THAP12: variants seen among roughly 807,000 people sequenced by gnomAD.
The protein encoded by THAP12 is 52 kDa repressor of the inhibitor of the protein kinase.
In THAP12, 20 loss-of-function variants were observed where a neutral mutation model predicts 63.0. The observed-to-expected ratio is 0.32, with a 90% CI of 0.22 to 0.46. The LOEUF (loss-of-function observed/expected upper bound fraction) is 0.46. Ranked by LOEUF, THAP12 falls within the 20% of genes least tolerant of loss-of-function variation. The probability of loss-of-function intolerance (pLI) is 1.00; values close to 1 mark genes in which losing one functional copy is unlikely to be tolerated. For missense variants in THAP12, 568 were observed against 908.2 expected (o/e 0.63, Z 4.81); for synonymous variants, 264 against 328.4 (o/e 0.80, Z 2.12).
At chr11:76,376,639 T>C (rs893107636) in intron 1 of THAP12, among the ~76,000 whole-genome samples, 16 of 149,010 alleles carry the variant, frequency 1.1e-4, no homozygotes, top group Non-Finnish European at 1.6e-4. Flanking sequence ...TTTTTTTTTT[T>C]CAGGTAAGAG....
intron 4 of THAP12, among the ~76,000 whole-genome samples, chr11:76,353,442 G>A (rs1946540696): frequency 6.6e-6 from 1 of 152,216 alleles, no homozygotes; most frequent in Admixed American, 6.5e-5. Flanking sequence ...CTGGCTCCAA[G>A]ATCCATGCTG....
At position 76,363,776 on chromosome 11, in the gene THAP12, T is replaced by G. The variant is rs542680392; in HGVS notation, c.210+2076A>C. Among the ~76,000 whole-genome samples the G allele has an allele frequency of 2.6e-5, 4 of 152,234 alleles. No individual in the cohort carries two copies. In the East Asian group the frequency reaches 5.8e-4, roughly 22 times the overall value. On this transcript the variant is annotated intron_variant, in intron 2 of 4. Transcript: ENST00000260045. Reference sequence around the variant, plus strand: ...GCAAAATTTTTTTTGTTTTGTTTTGTTTGGTATTTTTAGTAGAGAAGGGGT... The same window carrying G: ...GCAAAATTTTTTTTGTTTTGTTTTGGTTGGTATTTTTAGTAGAGAAGGGGT...
intron 1 of THAP12, among the ~76,000 whole-genome samples, chr11:76,373,046 T>A (rs772718065): frequency 3.9e-5 from 6 of 152,300 alleles, no homozygotes; most frequent in Middle Eastern, 3.4e-3. Context: ...AAGGACTACC[T>A]CAAAATTTAC....
At chr11:76,354,578 CT>C (rs1212994989) in intron 4 of THAP12, among the ~76,000 whole-genome samples, 1 of 152,166 alleles carries the variant, frequency 6.6e-6, no homozygotes, top group African/African-American at 2.4e-5. Context: ...AATCTATTCC[CT>C]TTACTCTCTC....
chr11:76,371,437 T>C (rs1271988319), intron 1 of THAP12, among the ~76,000 whole-genome samples: 2 of 152,214 alleles, frequency 1.3e-5, no homozygotes, highest in Non-Finnish European at 2.9e-5. Flanking sequence ...TGTGTACATA[T>C]ATGTGGGTGT....
intron 3 of THAP12, chr11:76,357,099 T>C (rs561812599): frequency 6.6e-6 from 1 of 152,132 alleles, no homozygotes; most frequent in Non-Finnish European, 1.5e-5. Flanking sequence ...AGATTTTTGT[T>C]CTTGTCATTA....
Position 76,380,819 on chromosome 11 carries a change from A to C in THAP12, c.18T>G (p.Ala6=), listed in dbSNP as rs781043427. The stretch of plus-strand genomic sequence containing the variant: ...TGCTCTTCCGCGTGCAGTTGGGGGC[A>C]GCGCAGAAGTTCGGCATCGTCGCCC... MPNFC[A]APNCTRKSTQ... The change falls in exon 1 of 5, where the codon GCT becomes GCG. Residue 6 remains alanine, a synonymous_variant. Coordinates refer to ENST00000260045, the MANE Select transcript of THAP12 (RefSeq NM_004705.4). 442 of 1,443,150 alleles carry C rather than the reference A, an allele frequency of 3.1e-4. No individual in the cohort carries two copies. The highest frequency in any genetic ancestry group is 3.9e-4 in the Non-Finnish European group (425 of 1,089,316). 89.4% of individuals were successfully genotyped at this position (1,443,150 alleles called of 1,614,324 possible).
chr11:76,352,091 T>C lies in THAP12; in HGVS notation c.1059A>G (p.Gln353=), dbSNP rs773805644. 5.0e-6 allele frequency: 8 copies of C among 1,611,802 alleles called. No individual in the cohort carries two copies. The highest frequency in any genetic ancestry group is 5.1e-6 in the Non-Finnish European group (6 of 1,179,810). ...AGGAAGAGCAGAGTGTGTAGATAGC[T>C]TGGGGATATTTCTCTAAAAGTCTAG... ...VASRLLEKYP[Q]AIYTLCSSCA... is the part of the protein sequence containing the mutation. Residue 353 remains glutamine, a synonymous_variant, in exon 5 of 5, where the codon CAA becomes CAG. Transcript: ENST00000260045.
chr11:76,353,163 G>T (rs1461603086), intron 4 of THAP12, among the ~76,000 whole-genome samples: 2 of 152,136 alleles, frequency 1.3e-5, no homozygotes, highest in East Asian at 3.8e-4. Flanking sequence ...AGGATTAAAG[G>T]TGTGAGATAC....
At chr11:76,369,091 C>T (rs1216406732) in intron 1 of THAP12, among the ~76,000 whole-genome samples, 2 of 151,788 alleles carry the variant, frequency 1.3e-5, no homozygotes, top group Non-Finnish European at 2.9e-5. Context: ...CTTGAACAGG[C>T]ACTTTATAAT....
intron 3 of THAP12, chr11:76,356,463 C>G (rs1946561577): frequency 6.6e-6 from 1 of 152,242 alleles, no homozygotes; most frequent in African/African-American, 2.4e-5. Flanking sequence ...ATGTGAGGCT[C>G]TCTGAGGGAC....
chr11:76,350,714 A>T lies in THAP12; in HGVS notation c.*150T>A, dbSNP rs1946519836. On this transcript the variant is annotated 3_prime_UTR_variant, in exon 5 of 5. Transcript: ENST00000260045. Reference sequence around the variant, plus strand: ...GTCTTCAAAGCTTGAGAGTTCAAACAGGGGCCATTTAAACAGGTAGATTAT... The same window carrying T: ...GTCTTCAAAGCTTGAGAGTTCAAACTGGGGCCATTTAAACAGGTAGATTAT... The T allele has an allele frequency of 6.9e-6, 4 of 577,170 alleles. No individual in the cohort carries two copies. Among genetic ancestry groups the T allele is most frequent in the Non-Finnish European group, 8.2e-6 (3 of 364,896 alleles). 35.8% of individuals were successfully genotyped at this position (577,170 alleles called of 1,614,324 possible).
At chr11:76,380,712 T>C in intron 1 of THAP12, 36 bp downstream of exon 1, 2 of 1,350,788 alleles carry the variant, frequency 1.5e-6, no homozygotes, top group Non-Finnish European at 1.9e-6. Flanking sequence ...ACCGCGAAGG[T>C]GGGCCCGGGC....
Position 76,380,897 on chromosome 11 carries a change from C to A in THAP12, c.-61G>T. 9.7e-6 allele frequency: 11 copies of A among 1,136,032 alleles called. No individual in the cohort carries two copies. The highest frequency in any genetic ancestry group is 1.1e-5 in the Non-Finnish European group (10 of 895,300). 70.4% of individuals were successfully genotyped at this position (1,136,032 alleles called of 1,614,324 possible). On this transcript the variant is annotated 5_prime_UTR_variant, in exon 1 of 5. Coordinates refer to ENST00000260045, the MANE Select transcript of THAP12 (RefSeq NM_004705.4). ...CCCCGCCTCCTCAGGGCAGTCCGCCCGCCCGTCGGGGCCGGGGAGGGGAGC... is the reference window on the plus strand; with the variant it reads ...CCCCGCCTCCTCAGGGCAGTCCGCCAGCCCGTCGGGGCCGGGGAGGGGAGC...
intron 1 of THAP12, among the ~76,000 whole-genome samples, chr11:76,373,319 C>A (rs1275373465): frequency 2.0e-5 from 3 of 147,778 alleles, no homozygotes; most frequent in African/African-American, 7.6e-5. Flanking sequence ...GCACTTTAGC[C>A]TGGGTGACAG....
At chr11:76,374,394 A>C (rs976797994) in intron 1 of THAP12, among the ~76,000 whole-genome samples, 1 of 152,190 alleles carries the variant, frequency 6.6e-6, no homozygotes, top group African/African-American at 2.4e-5. Flanking sequence ...TACAAAAAAA[A>C]AAAAAAACAC....
intron 4 of THAP12, among the ~76,000 whole-genome samples, chr11:76,355,347 T>C (rs1281457537): frequency 6.6e-6 from 1 of 152,236 alleles, no homozygotes; most frequent in Non-Finnish European, 1.5e-5. Flanking sequence ...GAGCACTGTG[T>C]GCCTGCCACC....
chr11:76,365,968 G>A lies in THAP12; in HGVS notation c.94C>T (p.Gln32Ter). ...CTCCTACAGTTCTCCACCCACTTCT[G>A]GCATCTATAAATAAAACCAAAATAC... ...FRFPRDPARC[Q>*]KWVENCRRAD... Residue 32 changes from glutamine (Q) to a stop codon, truncating the protein, a stop_gained, in exon 2 of 5, where the codon CAG (glutamine) becomes TAG (stop). Coordinates refer to ENST00000260045, the MANE Select transcript of THAP12 (RefSeq NM_004705.4). LOFTEE classifies it high-confidence loss of function. The A allele has an allele frequency of 1.2e-6, 2 of 1,610,530 alleles. No individual in the cohort carries two copies. Among genetic ancestry groups the A allele is most frequent in the South Asian group, 1.1e-5 (1 of 90,224 alleles).
At chr11:76,354,619 C>G (rs573643904) in intron 4 of THAP12, among the ~76,000 whole-genome samples, 1 of 152,160 alleles carries the variant, frequency 6.6e-6, no homozygotes, top group Non-Finnish European at 1.5e-5. Context: ...GGCCTTTCAA[C>G]TTTTATTTGG....
Sources: gnomAD v4.1 joint callset for allele counts (sites outside exome capture counted in the v4.1 genomes callset) on GRCh38, gnomAD v4.1.1 for gene constraint, MANE v1.5 for transcripts, NCBI Gene and HGNC (gene_info 2026-07-23, HGNC 2026-07-21) for gene names.